CHRNB3: variants seen among roughly 807,000 people sequenced by gnomAD.
CHRNB3 encodes the protein neuronal acetylcholine receptor subunit beta-3.
Under a neutral mutation model 40.6 loss-of-function variants are expected in CHRNB3, and 37 were observed. That is an observed-to-expected ratio of 0.91 (90% CI 0.70 to 1.20). The LOEUF is 1.20. Ranked by LOEUF, CHRNB3 falls within the 50% of genes most tolerant of loss-of-function variation. The pLI, the probability that CHRNB3 is intolerant of heterozygous loss-of-function variation, is 0.00. For missense variants in CHRNB3, 505 were observed against 551.2 expected (o/e 0.92, Z 0.84); for synonymous variants, 207 against 207.1 (o/e 1.00, Z 0.00).
chr8:42,735,222 A>AAAAC (rs555809566), intron 5 of CHRNB3, among the ~76,000 whole-genome samples: 48 of 150,174 alleles, frequency 3.2e-4, no homozygotes, highest in Non-Finnish European at 5.2e-4. Context: ...TCCGTCTCAA[A>AAAAC]AAACAAACAA....
intron 3 of CHRNB3, among the ~76,000 whole-genome samples, chr8:42,721,329 C>T (rs949608095): frequency 3.3e-5 from 5 of 152,172 alleles, no homozygotes; most frequent in Non-Finnish European, 1.5e-5. Context: ...GGACCTGGTT[C>T]CTCTCTGGGA....
intron 5 of CHRNB3, 128 bp from the exon 6 acceptor site, chr8:42,736,356 A>G: frequency 8.8e-7 from 1 of 1,141,144 alleles, no homozygotes; most frequent in Non-Finnish European, 1.3e-6. Flanking sequence ...TGGTTGGGAC[A>G]TTAGATGCAT....
At chr8:42,702,105 A>C (rs1280112313) in intron 1 of CHRNB3, among the ~76,000 whole-genome samples, 1 of 151,850 alleles carries the variant, frequency 6.6e-6, no homozygotes, top group South Asian at 2.1e-4. Context: ...GCAGCAGCAC[A>C]CTCTCCCAGA....
At chr8:42,700,087 C>A (rs1346779739) in intron 1 of CHRNB3, among the ~76,000 whole-genome samples, 1 of 151,336 alleles carries the variant, frequency 6.6e-6, no homozygotes, top group Non-Finnish European at 1.5e-5. Context: ...GATCTCTGCT[C>A]ACTGCAAGCT....
At chr8:42,729,161 A>G (rs142505592) in intron 3 of CHRNB3, among the ~76,000 whole-genome samples, 5,328 of 152,184 alleles carry the variant, frequency 0.035, 165 homozygotes, top group Middle Eastern at 0.075. Context: ...TAATCCCAGC[A>G]CTTTGGGAGG....
At chr8:42,716,529 T>C (rs957157100) in intron 3 of CHRNB3, among the ~76,000 whole-genome samples, 5 of 152,056 alleles carry the variant, frequency 3.3e-5, no homozygotes, top group Non-Finnish European at 5.9e-5. Flanking sequence ...CCACCAGCAG[T>C]GCGCCCAGGC....
intron 3 of CHRNB3, among the ~76,000 whole-genome samples, chr8:42,720,250 G>A (rs559615361): frequency 2.2e-4 from 33 of 148,352 alleles, no homozygotes; most frequent in Admixed American, 3.5e-4. Flanking sequence ...TGAGTAGCTG[G>A]GACTACAGGC....
intron 1 of CHRNB3, among the ~76,000 whole-genome samples, chr8:42,702,991 C>G (rs1205322800): frequency 2.0e-5 from 3 of 152,182 alleles, no homozygotes; most frequent in Non-Finnish European, 2.9e-5. Flanking sequence ...CCTCTCGATG[C>G]CCCAGTATCT....
chr8:42,717,527 A>G (rs1260891220), intron 3 of CHRNB3, among the ~76,000 whole-genome samples: 2 of 151,454 alleles, frequency 1.3e-5, no homozygotes, highest in Non-Finnish European at 2.9e-5. Flanking sequence ...ATCTTTACTC[A>G]TGATCTGATT....
At chr8:42,701,791 C>CACATCTTAACTCTG (rs1345663005) in intron 1 of CHRNB3, among the ~76,000 whole-genome samples, 2 of 152,136 alleles carry the variant, frequency 1.3e-5, no homozygotes, top group African/African-American at 4.8e-5. Context: ...CAGTCATATG[C>CACATCTTAACTCTG]ACATCTTAAA....
At chr8:42,704,237 C>T (rs551626359) in intron 1 of CHRNB3, 2 of 152,314 alleles carry the variant, frequency 1.3e-5, no homozygotes, top group East Asian at 3.9e-4. Flanking sequence ...CTTATAGGCT[C>T]TGTTTTTAAA....
intron 5 of CHRNB3, among the ~76,000 whole-genome samples, chr8:42,733,159 G>A (rs1192711550): frequency 1.3e-5 from 2 of 151,826 alleles, no homozygotes; most frequent in Admixed American, 6.6e-5. Context: ...GTGAGACCCT[G>A]TCTCTACAAA....
At chr8:42,703,971 A>G (rs1031895541) in intron 1 of CHRNB3, among the ~76,000 whole-genome samples, 1 of 152,268 alleles carries the variant, frequency 6.6e-6, no homozygotes, top group Non-Finnish European at 1.5e-5. Flanking sequence ...TATTAGGCAG[A>G]AATCATTTAA....
chr8:42,703,254 T>C (rs1815849775), intron 1 of CHRNB3, among the ~76,000 whole-genome samples: 1 of 150,966 alleles, frequency 6.6e-6, no homozygotes, highest in Non-Finnish European at 1.5e-5. Context: ...CGAAACCCTG[T>C]CTCTACTAAA....
chr8:42,699,882 CTTTTT>C (rs576300946), intron 1 of CHRNB3, among the ~76,000 whole-genome samples: 5 of 117,546 alleles, frequency 4.3e-5, no homozygotes, highest in Non-Finnish European at 5.5e-5. Context: ...TTGTGGTATG[CTTTTT>C]TTTTTTTTTT....
intron 1 of CHRNB3, chr8:42,699,366 G>A (rs1301601536): frequency 6.6e-6 from 1 of 152,128 alleles, no homozygotes; most frequent in Non-Finnish European, 1.5e-5. Context: ...GACACAATGT[G>A]TTTATTCATT....
chr8:42,724,567 C>A (rs1194656813), intron 3 of CHRNB3, among the ~76,000 whole-genome samples: 1 of 152,090 alleles, frequency 6.6e-6, no homozygotes. Context: ...GAGCCTTGGA[C>A]AAATGCTAGA....
intron 3 of CHRNB3, among the ~76,000 whole-genome samples, chr8:42,728,808 T>TA (rs1160369402): frequency 2.0e-5 from 3 of 152,134 alleles, no homozygotes; most frequent in Non-Finnish European, 2.9e-5. Context: ...TTAATAACTG[T>TA]AAACCAAAGA....
chr8:42,730,128 C>T (rs1370028942), intron 3 of CHRNB3, among the ~76,000 whole-genome samples: 4 of 152,170 alleles, frequency 2.6e-5, no homozygotes, highest in Non-Finnish European at 5.9e-5. Context: ...ATGGATGTCT[C>T]ATATTAACAT....
Sources: gnomAD v4.1 joint callset for allele counts (sites outside exome capture counted in the v4.1 genomes callset) on GRCh38, gnomAD v4.1.1 for gene constraint, MANE v1.5 for transcripts, NCBI Gene and HGNC (gene_info 2026-07-23, HGNC 2026-07-21) for gene names.